Variants in PARP1 observed in about 807,000 individuals in gnomAD.
PARP1 encodes poly [ADP-ribose] polymerase 1.
Under a neutral mutation model 118.7 loss-of-function variants are expected in PARP1, and 44 were observed. The ratio of observed to expected loss-of-function variants is 0.37; its 90% CI spans 0.29 to 0.48. The LOEUF (loss-of-function observed/expected upper bound fraction) is 0.48, where lower values mean the gene tolerates loss of function less well. PARP1 is among the 20% of genes least tolerant of loss of function. The pLI is 0.99. For synonymous variants in PARP1, 492 were observed against 483.2 expected, an observed-to-expected ratio of 1.02 and a Z score of -0.24; for missense variants, 1,100 against 1,272.4, an observed-to-expected ratio of 0.86 and a Z score of 2.06.
intron 1 of PARP1, among the ~76,000 whole-genome samples, chr1:226,405,890 T>C (rs1163083466): frequency 6.6e-6 from 1 of 152,082 alleles, no homozygotes; most frequent in African/African-American, 2.4e-5. Context: ...CCGAGGTGCA[T>C]GGATCGCTTG....
chr1:226,373,134 G>GGTTTA (rs1291308397), intron 14 of PARP1, among the ~76,000 whole-genome samples: 5 of 152,184 alleles, frequency 3.3e-5, no homozygotes. Context: ...GGCTGCCAGT[G>GGTTTA]GTTTATACTG....
chr1:226,365,106 TA>T lies in PARP1; in HGVS notation c.2553del (p.Phe851LeufsTer29). ...REGECQRYKP[F>X]KQLHNRRLLW... ...AGCAATCTTCGGTTATGAAGCTGCT[TA>T]AAGGGCTTGTAACGCTGGCATTCGC... is the stretch of plus-strand genomic sequence containing the variant. On this transcript the variant is annotated frameshift_variant, in exon 19 of 23. Coordinates refer to ENST00000366794, the MANE Select transcript of PARP1 (RefSeq NM_001618.4). LOFTEE classifies it high-confidence loss of function. 1 of 1,614,210 alleles carries T rather than the reference TA, an allele frequency of 6.2e-7. No homozygotes were observed. The highest frequency in any genetic ancestry group is 1.7e-5 in the Admixed American group (1 of 60,030).
At chr1:226,386,262 A>G in intron 6 of PARP1, 64 bp downstream of exon 6, 1 of 933,324 alleles carries the variant, frequency 1.1e-6, no homozygotes, top group Non-Finnish European at 1.8e-6. Context: ...CCATTGGGAC[A>G]GTCACTCCAC....
At chr1:226,404,724 G>A (rs1665108803) in intron 1 of PARP1, among the ~76,000 whole-genome samples, 2 of 152,204 alleles carry the variant, frequency 1.3e-5, no homozygotes, top group Admixed American at 6.5e-5. Context: ...CAAGACTATC[G>A]ACTCCATTTG....
chr1:226,365,251 G>A lies in PARP1; in HGVS notation c.2506-97C>T, dbSNP rs530550769. 7.4e-6 allele frequency: 10 copies of A among 1,343,316 alleles called. No homozygotes were observed. The East Asian group carries it at 2.1e-4, about 28-fold the overall frequency. The allele number at this position is 1,343,316 out of a possible 1,614,324, so 83.2% of individuals were successfully genotyped here. On this transcript the variant is annotated intron_variant, in intron 18 of 22. Coordinates refer to ENST00000366794, the MANE Select transcript of PARP1 (RefSeq NM_001618.4). ...CTGGATACACGAGAAATGACCGGCTGTCCCTAAGGCTAGAAGACTTAAGGT... is the reference window on the plus strand; with the variant it reads ...CTGGATACACGAGAAATGACCGGCTATCCCTAAGGCTAGAAGACTTAAGGT...
intron 13 of PARP1, among the ~76,000 whole-genome samples, chr1:226,375,843 C>T (rs969229355): frequency 6.6e-6 from 1 of 152,074 alleles, no homozygotes; most frequent in Non-Finnish European, 1.5e-5. Context: ...TACATTAGGG[C>T]AAAAAGCAGA....
At chr1:226,380,251 A>T in intron 9 of PARP1, 87 bp from the exon 10 acceptor site, 1 of 1,326,744 alleles carries the variant, frequency 7.5e-7, no homozygotes, top group Non-Finnish European at 1.1e-6. Flanking sequence ...TTTAGTGTGT[A>T]CTTCCAAACC....
At chr1:226,372,176 C>T (rs1664397057) in intron 14 of PARP1, among the ~76,000 whole-genome samples, 1 of 152,208 alleles carries the variant, frequency 6.6e-6, no homozygotes, top group Non-Finnish European at 1.5e-5. Flanking sequence ...TCCCCTGGTG[C>T]TGGGGATGAA....
rs1360306256 is a variant in PARP1 at position 226,363,259 on chromosome 1, A to C, written c.2787-99T>G. 11 of 855,256 alleles carry C rather than the reference A, an allele frequency of 1.3e-5. No individual in the cohort carries two copies. In the Admixed American group the frequency reaches 1.8e-4, roughly 14 times the overall value. The allele number at this position is 855,256 out of a possible 1,614,324, so 53.0% of individuals were successfully genotyped here. On this transcript the variant is annotated intron_variant, in intron 20 of 22. Transcript: ENST00000366794. ...TAAGATCAGATACAGAGATGAGATA[A>C]AAGTCCACAAAACCCAGACCATCTA...
At chr1:226,397,505 A>G (rs1210135160) in intron 2 of PARP1, among the ~76,000 whole-genome samples, 1 of 152,208 alleles carries the variant, frequency 6.6e-6, no homozygotes, top group Non-Finnish European at 1.5e-5. Context: ...TGTCCCCACT[A>G]AATCTCCTAT....
intron 1 of PARP1, among the ~76,000 whole-genome samples, chr1:226,407,233 T>C: frequency 6.6e-6 from 1 of 152,170 alleles, no homozygotes; most frequent in East Asian, 1.9e-4. Context: ...GGGAAAATGT[T>C]ACTTTAAAGC....
Position 226,385,529 on chromosome 1 carries a change from T to C in PARP1, c.986A>G (p.Asn329Ser), listed in dbSNP as rs1664698058. 1.2e-6 allele frequency: 2 copies of C among 1,614,128 alleles called. No individual in the cohort carries two copies. The highest frequency in any genetic ancestry group is 1.7e-6 in the Non-Finnish European group (2 of 1,179,986). ...CTTTGGGGTTACCCACTCCTTCCGG[T>C]TGGGTGTCTGTGTCTTGACCATACA... ...TKCMVKTQTP[N>S]RKEWVTPKEF... Residue 329 changes from asparagine to serine, a missense_variant, in exon 7 of 23, where the codon AAC becomes AGC. Transcript: ENST00000366794.
intron 3 of PARP1, 71 bp from the exon 4 acceptor site, chr1:226,390,695 G>T: frequency 7.0e-7 from 1 of 1,418,544 alleles, no homozygotes; most frequent in Non-Finnish European, 9.8e-7. Flanking sequence ...CGGGCAGCCT[G>T]TGCTCCAGCC....
At chr1:226,364,799 C>G (rs1056645333) in intron 19 of PARP1, among the ~76,000 whole-genome samples, 3 of 152,254 alleles carry the variant, frequency 2.0e-5, no homozygotes, top group Non-Finnish European at 4.4e-5. Flanking sequence ...AGGCCCTGGC[C>G]TGGATGCTCT....
In PARP1 at chr1:226,407,932, TC is replaced by T. The variant is rs1333675699; in HGVS notation, c.-4del. The T allele has an allele frequency of 6.2e-7, 1 of 1,611,890 alleles. No homozygotes were observed. The highest frequency in any genetic ancestry group is 1.3e-5 in the African/African-American group (1 of 74,746). On this transcript the variant is annotated 5_prime_UTR_variant, in exon 1 of 23. Coordinates refer to ENST00000366794, the MANE Select transcript of PARP1 (RefSeq NM_001618.4). ...AGCTTATCCGAAGACTCCGCCATCC[TC>T]CCCTAGCTGCCGCCAAAGCTCCGGA...
At position 226,402,257 on chromosome 1, in the gene PARP1, G is replaced by A. The variant is rs1805404; in HGVS notation, c.243C>T (p.Asp81=). Residue 81 remains aspartate, a synonymous_variant, in exon 2 of 23, where the codon GAC becomes GAT. Transcript: ENST00000366794. ...CCGCTGTCTTCTTGACTTTCTGCTGGTCATCCCACCGAAGCTCAGAGAACC... is the reference window on the plus strand; with the variant it reads ...CCGCTGTCTTCTTGACTTTCTGCTGATCATCCCACCGAAGCTCAGAGAACC... The part of the protein sequence containing the change: ...VDGFSELRWD[D]QQKVKKTAEA... 0.17 allele frequency: 277,746 copies of A among 1,614,006 alleles called. 27,930 individuals are homozygous for A. Among genetic ancestry groups the A allele is most frequent in the East Asian group, 0.42 (18,909 of 44,862 alleles).
Position 226,379,246 on chromosome 1 carries a change from C to A in PARP1, c.1641G>T (p.Glu547Asp). 1 of 1,614,266 alleles carries A rather than the reference C, an allele frequency of 6.2e-7. No homozygotes were observed. The highest frequency in any genetic ancestry group is 8.5e-7 in the Non-Finnish European group (1 of 1,180,044). The change falls in exon 12 of 23, where the codon GAG becomes GAT. Residue 547 changes from glutamate to aspartate, a missense_variant. Transcript: ENST00000366794. ...SGLEHSAHVL[E>D]KGGKVFSATL... ...TGGCACTGAAGACCTTCCCACCTTT[C>A]TCCAGGACATGCGCAGAGTGTTCCA...
At chr1:226,386,915 T>G (rs762080788) in intron 5 of PARP1, among the ~76,000 whole-genome samples, 3 of 152,230 alleles carry the variant, frequency 2.0e-5, no homozygotes, top group Non-Finnish European at 2.9e-5. Context: ...GTATTTAAGC[T>G]CTTCTGAAAA....
intron 8 of PARP1, among the ~76,000 whole-genome samples, chr1:226,382,478 G>A (rs1029159654): frequency 6.6e-6 from 1 of 152,168 alleles, no homozygotes; most frequent in Non-Finnish European, 1.5e-5. Context: ...GCCTTTCTTA[G>A]GAGCCCCTCT....
Sources: gnomAD v4.1 joint callset for allele counts (sites outside exome capture counted in the v4.1 genomes callset) on GRCh38, gnomAD v4.1.1 for gene constraint, MANE v1.5 for transcripts, NCBI Gene and HGNC (gene_info 2026-07-23, HGNC 2026-07-21) for gene names.